Variants in EEFSEC observed in about 807,000 individuals in gnomAD.
EEFSEC encodes the protein selenocysteine-specific elongation factor.
A neutral mutation model predicts 42.1 loss-of-function variants in EEFSEC; 43 were observed. The observed-to-expected ratio is 1.02, with a 90% CI of 0.80 to 1.32. EEFSEC has a LOEUF of 1.32. Ranked by LOEUF, EEFSEC falls within the 40% of genes most tolerant of loss-of-function variation. EEFSEC has a pLI of 0.00. For synonymous variants in EEFSEC, 354 were observed against 339.1 expected, an observed-to-expected ratio of 1.04 and a Z score of -0.48; for missense variants, 745 against 803.6, an observed-to-expected ratio of 0.93 and a Z score of 0.88.
At chr3:128,221,092 C>T (rs951127377) in intron 1 of EEFSEC, among the ~76,000 whole-genome samples, 2 of 152,230 alleles carry the variant, frequency 1.3e-5, no homozygotes, top group Non-Finnish European at 2.9e-5. Flanking sequence ...GTGTGCCACA[C>T]TTGCACCTTG....
At chr3:128,166,512 G>A (rs2065244016) in intron 1 of EEFSEC, among the ~76,000 whole-genome samples, 1 of 152,146 alleles carries the variant, frequency 6.6e-6, no homozygotes, top group African/African-American at 2.4e-5. Flanking sequence ...TGACAGCGCA[G>A]GGCTGGATGG....
intron 1 of EEFSEC, among the ~76,000 whole-genome samples, chr3:128,160,035 G>C (rs2065164108): frequency 6.6e-6 from 1 of 152,242 alleles, no homozygotes; most frequent in African/African-American, 2.4e-5. Flanking sequence ...TAGATATTTA[G>C]TAAGTTCTGG....
intron 1 of EEFSEC, among the ~76,000 whole-genome samples, chr3:128,230,688 T>C (rs570576611): frequency 1.1e-3 from 169 of 152,298 alleles, no homozygotes; most frequent in African/African-American, 3.8e-3. Flanking sequence ...ATTTTACAGG[T>C]AGGAGAGACT....
At chr3:128,379,753 T>C (rs1464169987) in intron 6 of EEFSEC, among the ~76,000 whole-genome samples, 2 of 152,246 alleles carry the variant, frequency 1.3e-5, no homozygotes, top group African/African-American at 4.8e-5. Flanking sequence ...AACTGAGGAC[T>C]TTCCAAGAAG....
At chr3:128,239,410 A>T (rs915854128) in intron 1 of EEFSEC, among the ~76,000 whole-genome samples, 5 of 152,150 alleles carry the variant, frequency 3.3e-5, no homozygotes, top group African/African-American at 1.2e-4. Context: ...GCCCTCCTCC[A>T]ACTTACTGTG....
intron 6 of EEFSEC, among the ~76,000 whole-genome samples, chr3:128,367,480 G>T (rs984010348): frequency 9.2e-5 from 14 of 152,184 alleles, no homozygotes; most frequent in Non-Finnish European, 1.6e-4. Flanking sequence ...CAGTGGTGCT[G>T]CTCAGGCTAT....
intron 4 of EEFSEC, among the ~76,000 whole-genome samples, chr3:128,335,887 G>A (rs80176486): frequency 1.4e-3 from 206 of 152,364 alleles, no homozygotes; most frequent in African/African-American, 4.4e-3. Context: ...GACAAGGAGA[G>A]TCCAGGTGGG....
At chr3:128,286,380 G>C (rs1021891200) in intron 4 of EEFSEC, among the ~76,000 whole-genome samples, 1 of 152,204 alleles carries the variant, frequency 6.6e-6, no homozygotes, top group Non-Finnish European at 1.5e-5. Flanking sequence ...TGAGAAAGGA[G>C]TATCTATGTA....
intron 1 of EEFSEC, among the ~76,000 whole-genome samples, chr3:128,242,431 A>T (rs1041385056): frequency 4.6e-5 from 7 of 151,792 alleles, no homozygotes; most frequent in East Asian, 1.9e-4. Context: ...TTGGAAATAA[A>T]TTTTTTTTTC....
At chr3:128,424,918 C>T in the EEFSEC span, among the ~76,000 whole-genome samples, 43 of 152,082 alleles carry the variant, frequency 2.8e-4, 2 homozygotes, top group South Asian at 8.5e-3. Context: ...GTGGAGACTG[C>T]GGCGGAAGTG....
chr3:128,348,279 T>TGTGTGTGTGTGCGTGTGTGTGTGC (rs1559933283), intron 5 of EEFSEC, among the ~76,000 whole-genome samples: 31 of 115,152 alleles, frequency 2.7e-4, no homozygotes, highest in African/African-American at 8.3e-4. Flanking sequence ...TGCGTGTGCG[T>TGTGTGTGTGTGCGTGTGTGTGTGC]GTGTGTGTGT....
intron 5 of EEFSEC, among the ~76,000 whole-genome samples, chr3:128,352,605 G>T (rs753360112): frequency 2.6e-5 from 4 of 152,250 alleles, no homozygotes; most frequent in Non-Finnish European, 4.4e-5. Context: ...TGTCTTCTCA[G>T]ATCTGCAGGT....
intron 6 of EEFSEC, among the ~76,000 whole-genome samples, chr3:128,369,345 C>T (rs140247863): frequency 3.0e-4 from 46 of 152,326 alleles, no homozygotes; most frequent in Non-Finnish European, 4.9e-4. Context: ...CTGTGTGTTC[C>T]TCTGGGGTTT....
At chr3:128,222,317 G>A (rs530280579) in intron 1 of EEFSEC, among the ~76,000 whole-genome samples, 154 of 152,296 alleles carry the variant, frequency 1.0e-3, no homozygotes, top group African/African-American at 3.5e-3. Flanking sequence ...ACAGATGTGA[G>A]CCACTGCGCC....
the EEFSEC span, among the ~76,000 whole-genome samples, chr3:128,424,412 C>T: frequency 2.6e-5 from 4 of 152,136 alleles, no homozygotes; most frequent in Non-Finnish European, 1.5e-5. Context: ...TAGGCAGTCT[C>T]ACTCTGTCAC....
chr3:128,168,449 G>A (rs896592033), intron 1 of EEFSEC, among the ~76,000 whole-genome samples: 7 of 152,294 alleles, frequency 4.6e-5, no homozygotes, highest in Non-Finnish European at 1.0e-4. Context: ...CCAAGTGCTT[G>A]CATGGTAAAA....
At chr3:128,181,745 A>T (rs1020598123) in intron 1 of EEFSEC, among the ~76,000 whole-genome samples, 4 of 152,210 alleles carry the variant, frequency 2.6e-5, no homozygotes, top group African/African-American at 7.2e-5. Context: ...TAAGAAATGA[A>T]ACATGAGCAA....
chr3:128,232,076 C>T (rs2065964516), intron 1 of EEFSEC, among the ~76,000 whole-genome samples: 1 of 152,112 alleles, frequency 6.6e-6, no homozygotes, highest in Non-Finnish European at 1.5e-5. Flanking sequence ...CCCCCAAGCC[C>T]CTCAAGGTGT....
At position 128,153,716 on chromosome 3, in the gene EEFSEC, AG is replaced by A; in HGVS notation, c.210del (p.Glu70AspfsTer43). The A allele has an allele frequency of 6.3e-7, 1 of 1,580,766 alleles. No homozygotes were observed. Among genetic ancestry groups the A allele is most frequent in the Non-Finnish European group, 8.5e-7 (1 of 1,172,222 alleles). On this transcript the variant is annotated frameshift_variant, in exon 1 of 7. Coordinates refer to ENST00000254730, the MANE Select transcript of EEFSEC (RefSeq NM_021937.5). LOFTEE classifies it high-confidence loss of function. ...LPARLRSSLP[E>X]FQAAPEAEPE... is the part of the protein sequence containing the mutation. ...GCGCGCCTGCGGTCGTCTTTGCCCG[AG>A]TTCCAGGCAGCGCCCGAGGCCGAGC...
Sources: allele counts gnomAD v4.1 joint callset (sites outside exome capture counted in the v4.1 genomes callset), GRCh38; gene constraint gnomAD v4.1.1; transcripts MANE v1.5; gene names NCBI Gene and HGNC (gene_info 2026-07-23, HGNC 2026-07-21).